ALK: variants seen among roughly 807,000 people sequenced by gnomAD.
ALK encodes ALK tyrosine kinase receptor.
A neutral mutation model predicts 163.1 loss-of-function variants in ALK; 74 were observed. That is an observed-to-expected ratio of 0.45 (90% CI 0.38 to 0.55). ALK has a LOEUF of 0.55. Ranked by LOEUF, ALK falls within the 20% of genes least tolerant of loss-of-function variation. The pLI, the probability that ALK is intolerant of heterozygous loss-of-function variation, is 0.00. For missense variants in ALK, 2,063 were observed against 2,105.3 expected (o/e 0.98, Z 0.39); for synonymous variants, 960 against 843.2 (o/e 1.14, Z -2.40).
Position 29,197,768 on chromosome 2 carries a change from C to G in ALK, c.3939-92G>C, listed in dbSNP as rs964173109. 2.6e-5 allele frequency: 30 copies of G among 1,137,506 alleles called. No homozygotes were observed. In the Admixed American group the frequency reaches 5.1e-4, roughly 20 times the overall value. 70.5% of individuals were successfully genotyped at this position (1,137,506 alleles called of 1,614,324 possible). On this transcript the variant is annotated intron_variant, in intron 26 of 28. Coordinates refer to ENST00000389048, the MANE Select transcript of ALK (RefSeq NM_004304.5). ...AGGCACACAGACATACAATTTCAAC[C>G]TTTTTTTCCCCCATTATACCCTTTT... is the stretch of plus-strand genomic sequence containing the variant.
At chr2:29,894,093 G>A (rs935122528) in intron 1 of ALK, among the ~76,000 whole-genome samples, 5 of 152,170 alleles carry the variant, frequency 3.3e-5, no homozygotes, top group African/African-American at 9.7e-5. Context: ...CAAGTTGAAA[G>A]GGGTGTCAAG....
rs886055934 is a variant in ALK, at chr2:29,920,820, A to G, written c.-161T>C. ...CGCGCAAGTCTCTTGCTTTCCCCCA[A>G]CTGCACGGAGGCGAGCAGGAGTCTA... On this transcript the variant is annotated 5_prime_UTR_variant, in exon 1 of 29. Transcript: ENST00000389048. 23 of 659,218 alleles carry G rather than the reference A, an allele frequency of 3.5e-5. No individual in the cohort carries two copies. Among genetic ancestry groups the G allele is most frequent in the East Asian group, 2.5e-4 (9 of 36,164 alleles). 40.8% of individuals were successfully genotyped at this position (659,218 alleles called of 1,614,324 possible).
In ALK at chr2:29,246,900, AAC is replaced by A. The variant is rs1664688679; in HGVS notation, c.2204+4203_2204+4204del. On this transcript the variant is annotated intron_variant, in intron 12 of 28. Transcript: ENST00000389048. The surrounding 1 kb of genome is among the most constrained non-coding windows in gnomAD (Gnocchi z 4.3). ...GGGAGCGAGAGGCCTTTTGGGGGGTAACACTGCAGCCCCAGGACCTGGCCCTG... is the reference window on the plus strand; with the variant it reads ...GGGAGCGAGAGGCCTTTTGGGGGGTAACTGCAGCCCCAGGACCTGGCCCTG... Among the ~76,000 whole-genome samples the A allele has an allele frequency of 6.6e-6, 1 of 152,120 alleles. No homozygotes were observed. Among genetic ancestry groups the A allele is most frequent in the South Asian group, 2.1e-4 (1 of 4,824 alleles).
chr2:29,745,461 C>G (rs1401896759), intron 1 of ALK, among the ~76,000 whole-genome samples: 2 of 152,108 alleles, frequency 1.3e-5, no homozygotes, highest in Non-Finnish European at 2.9e-5. Flanking sequence ...TGAGCAAAAC[C>G]TTCCCTCCCA....
chr2:29,199,286 C>A (rs1481597982), intron 26 of ALK, among the ~76,000 whole-genome samples: 1 of 152,114 alleles, frequency 6.6e-6, no homozygotes, highest in Non-Finnish European at 1.5e-5. Flanking sequence ...TTTTAGCATA[C>A]CAAAGAAAGA....
At chr2:29,737,969 G>A (rs1679942615) in intron 1 of ALK, among the ~76,000 whole-genome samples, 1 of 151,996 alleles carries the variant, frequency 6.6e-6, no homozygotes, top group Non-Finnish European at 1.5e-5. Context: ...GAGAGAGCAA[G>A]AGCAAAAATG....
chr2:29,242,123 G>T (rs759599532), intron 12 of ALK, among the ~76,000 whole-genome samples: 1 of 152,240 alleles, frequency 6.6e-6, no homozygotes, highest in Non-Finnish European at 1.5e-5. Flanking sequence ...GCATTATTTA[G>T]CTCAGTGAAC....
At chr2:29,828,445 A>G (rs1665262110) in intron 1 of ALK, among the ~76,000 whole-genome samples, 1 of 152,248 alleles carries the variant, frequency 6.6e-6, no homozygotes, top group South Asian at 2.1e-4. Flanking sequence ...TCCAGAATCT[A>G]CAATGAACTC....
Position 29,710,403 on chromosome 2 carries a change from A to T in ALK, c.787+7175T>A, listed in dbSNP as rs1679041248. The stretch of plus-strand genomic sequence containing the variant: ...TCCCATTTCTTCATCTCTCTGTTTC[A>T]TGCTCCTCTTCCTCTGCTTACCTCT... On this transcript the variant is annotated intron_variant, in intron 2 of 28. Coordinates refer to ENST00000389048, the MANE Select transcript of ALK (RefSeq NM_004304.5). 2.6e-5 allele frequency among the ~76,000 whole-genome samples: 4 copies of T among 151,720 alleles called. No homozygotes were observed. The South Asian group carries it at 8.3e-4, about 32-fold the overall frequency.
intron 5 of ALK, among the ~76,000 whole-genome samples, chr2:29,333,479 T>C (rs1041128057): frequency 2.6e-5 from 4 of 152,206 alleles, no homozygotes; most frequent in African/African-American, 9.6e-5. Flanking sequence ...ATTGCCAACG[T>C]ATCGATTAGG....
chr2:29,224,817 C>T (rs911764765), intron 19 of ALK: 9 of 216,582 alleles, frequency 4.2e-5, no homozygotes, highest in Admixed American at 1.1e-4. Context: ...TCCCTTCTAC[C>T]GGCAGATCCC....
chr2:29,394,010 T>C (rs185227379), intron 4 of ALK, among the ~76,000 whole-genome samples: 15 of 152,296 alleles, frequency 9.8e-5, no homozygotes, highest in Non-Finnish European at 1.9e-4. Flanking sequence ...AGGAAATGGA[T>C]ACTGAACATC....
intron 3 of ALK, among the ~76,000 whole-genome samples, chr2:29,683,955 A>T (rs1216838305): frequency 1.3e-5 from 2 of 152,034 alleles, no homozygotes; most frequent in African/African-American, 4.8e-5. Context: ...AGGTAAAATG[A>T]CCCCCAGATC....
chr2:29,460,952 T>C lies in ALK; in HGVS notation c.1154+70963A>G, dbSNP rs140853945. On this transcript the variant is annotated intron_variant, in intron 4 of 28. Transcript: ENST00000389048. ...AGTTGTGAATGCAAAGGAAAAGTTC[T>C]TGGAGGACTTTTAATAAAAAGTGTT... Among the ~76,000 whole-genome samples, 46 of 152,308 alleles carry C rather than the reference T, an allele frequency of 3.0e-4. 2 individuals are homozygous for C. The East Asian group carries it at 8.1e-3, about 27-fold the overall frequency.
Position 29,193,637 on chromosome 2 carries a change from T to C in ALK, c.4450A>G (p.Asn1484Asp), listed in dbSNP as rs2148138287. 6.2e-7 allele frequency: 1 copy of C among 1,614,268 alleles called. No homozygotes were observed. Among genetic ancestry groups the C allele is most frequent in the Non-Finnish European group, 8.5e-7 (1 of 1,180,044 alleles). ...GHVNMAFSQS[N>D]PPSELHKVHG... ...ACCTTGTGCAACTCCGAAGGAGGGT[T>C]GGACTGAGAGAATGCCATATTCACG... The change falls in exon 29 of 29, where the codon AAC becomes GAC. Residue 1484 changes from asparagine (N) to aspartate (D), a missense_variant. Around this residue, in one of 5 missense-constraint regions of ALK, gnomAD observed 403 missense variants for 366.2 expected, o/e 1.10. Coordinates refer to ENST00000389048, the MANE Select transcript of ALK (RefSeq NM_004304.5).
intron 3 of ALK, among the ~76,000 whole-genome samples, chr2:29,585,158 T>G (rs1674843959): frequency 6.6e-6 from 1 of 152,198 alleles, no homozygotes; most frequent in Admixed American, 6.5e-5. Context: ...TTATTGATAG[T>G]TTTAAACCCT....
intron 9 of ALK, among the ~76,000 whole-genome samples, chr2:29,281,604 T>C (rs1464361580): frequency 6.6e-6 from 1 of 152,212 alleles, no homozygotes; most frequent in African/African-American, 2.4e-5. Flanking sequence ...TGGAACTTGT[T>C]ATTAAAACAG....
At chr2:29,485,079 C>T (rs914432254) in intron 4 of ALK, among the ~76,000 whole-genome samples, 1 of 152,152 alleles carries the variant, frequency 6.6e-6, no homozygotes, top group South Asian at 2.1e-4. Flanking sequence ...TGCCCTTCTT[C>T]GGTTCCAGAA....
chr2:29,916,109 A>C (rs1667826935), intron 1 of ALK, among the ~76,000 whole-genome samples: 1 of 152,196 alleles, frequency 6.6e-6, no homozygotes, highest in Non-Finnish European at 1.5e-5. Context: ...ATATGTGAAA[A>C]TATAGAACTG....
Sources: gnomAD v4.1 joint callset for allele counts (sites outside exome capture counted in the v4.1 genomes callset) on GRCh38, gnomAD v4.1.1 for gene constraint, gnomAD v4.1.1 regional missense constraint, Gnocchi (gnomAD v3.1) non-coding constraint, MANE v1.5 for transcripts, NCBI Gene and HGNC (gene_info 2026-07-23, HGNC 2026-07-21) for gene names.